The following GPC5 variants were observed in gnomAD, a reference collection of about 807,000 sequenced individuals.
GPC5 encodes the protein glypican 5.
In GPC5, 47 loss-of-function variants were observed where a neutral mutation model predicts 53.9. That is an observed-to-expected ratio of 0.87 (90% CI 0.69 to 1.11). The LOEUF is 1.11. GPC5 is among the 50% of genes most tolerant of loss of function. The pLI, the probability that GPC5 is intolerant of heterozygous loss-of-function variation, is 0.00. For missense variants in GPC5, 748 were observed against 713.1 expected (o/e 1.05, Z -0.56); for synonymous variants, 286 against 263.3 (o/e 1.09, Z -0.84).
At chr13:91,868,989 A>C (rs1008267277) in intron 5 of GPC5, among the ~76,000 whole-genome samples, 11 of 152,084 alleles carry the variant, frequency 7.2e-5, no homozygotes, top group African/African-American at 2.4e-4. Context: ...CAATTTGACT[A>C]TACATATATG....
At chr13:91,533,561 A>G (rs1886451125) in intron 2 of GPC5, among the ~76,000 whole-genome samples, 1 of 152,192 alleles carries the variant, frequency 6.6e-6, no homozygotes, top group Admixed American at 6.5e-5. Context: ...GATAATGAAC[A>G]GCACTGAAAT....
At chr13:92,591,017 T>C (rs979237138) in intron 7 of GPC5, among the ~76,000 whole-genome samples, 2 of 152,198 alleles carry the variant, frequency 1.3e-5, no homozygotes, top group Non-Finnish European at 2.9e-5. Flanking sequence ...ATAAGACAAC[T>C]AATGCTAAAA....
At chr13:92,482,179 A>T (rs1594239258) in intron 7 of GPC5, among the ~76,000 whole-genome samples, 1 of 152,124 alleles carries the variant, frequency 6.6e-6, no homozygotes, top group Admixed American at 6.5e-5. Flanking sequence ...TGTGCCTGAC[A>T]CACTGCCCCA....
chr13:92,764,339 C>G (rs1160253706), intron 7 of GPC5, among the ~76,000 whole-genome samples: 2 of 152,314 alleles, frequency 1.3e-5, no homozygotes, highest in East Asian at 3.9e-4. Flanking sequence ...GCCCTCAGAG[C>G]AAGATGCATT....
chr13:92,426,034 T>C (rs1163583773), intron 7 of GPC5, among the ~76,000 whole-genome samples: 1 of 152,118 alleles, frequency 6.6e-6, no homozygotes, highest in Non-Finnish European at 1.5e-5. Flanking sequence ...ATTCTACTTT[T>C]CTGTTAAAAC....
At chr13:92,358,756 G>A (rs1420066583) in intron 7 of GPC5, among the ~76,000 whole-genome samples, 1 of 151,774 alleles carries the variant, frequency 6.6e-6, no homozygotes, top group African/African-American at 2.4e-5. Flanking sequence ...GGCTAGAGCT[G>A]GAGCAGCTGG....
intron 2 of GPC5, among the ~76,000 whole-genome samples, chr13:91,645,614 C>A (rs983198777): frequency 2.6e-5 from 4 of 152,174 alleles, no homozygotes; most frequent in African/African-American, 4.8e-5. Context: ...AGTGTGAGGT[C>A]ACTTTGAGAA....
intron 5 of GPC5, among the ~76,000 whole-genome samples, chr13:91,878,874 G>A (rs910849836): frequency 2.6e-5 from 4 of 151,996 alleles, no homozygotes; most frequent in African/African-American, 4.8e-5. Context: ...ATTGAGAATC[G>A]AGAAGACATA....
At chr13:92,546,346 A>C (rs1882111071) in intron 7 of GPC5, among the ~76,000 whole-genome samples, 1 of 152,164 alleles carries the variant, frequency 6.6e-6, no homozygotes. Context: ...AATGTGCAAA[A>C]ATCACAAACA....
intron 6 of GPC5, among the ~76,000 whole-genome samples, chr13:92,114,893 G>A (rs191803348): frequency 9.9e-5 from 15 of 152,204 alleles, no homozygotes; most frequent in Middle Eastern, 3.4e-3. Flanking sequence ...CTACCAATAC[G>A]TTCTTGAGTT....
intron 7 of GPC5, among the ~76,000 whole-genome samples, chr13:92,296,861 C>T (rs1035188099): frequency 2.6e-5 from 4 of 152,220 alleles, no homozygotes; most frequent in Non-Finnish European, 5.9e-5. Flanking sequence ...GGCCCACTGG[C>T]GCTGTGCTCG....
intron 5 of GPC5, among the ~76,000 whole-genome samples, chr13:91,782,786 A>G (rs1379174639): frequency 3.3e-5 from 5 of 152,188 alleles, no homozygotes; most frequent in Non-Finnish European, 7.3e-5. Context: ...ACACAGATAA[A>G]TAAAAGAATC....
At chr13:91,965,122 T>A (rs1272461950) in intron 6 of GPC5, among the ~76,000 whole-genome samples, 1 of 149,818 alleles carries the variant, frequency 6.7e-6, no homozygotes, top group African/African-American at 2.4e-5. Context: ...TTAGGAGATA[T>A]ACCTAATGTA....
intron 7 of GPC5, among the ~76,000 whole-genome samples, chr13:92,694,198 G>C (rs1215624011): frequency 6.6e-6 from 1 of 152,220 alleles, no homozygotes; most frequent in East Asian, 1.9e-4. Context: ...TGCAGAGGCA[G>C]GGCCCTCATG....
At chr13:91,532,411 C>CA (rs1184791166) in intron 2 of GPC5, among the ~76,000 whole-genome samples, 2 of 151,878 alleles carry the variant, frequency 1.3e-5, no homozygotes, top group Non-Finnish European at 2.9e-5. Context: ...GGCTTTTTGT[C>CA]AAAAAAAGTT....
intron 7 of GPC5, among the ~76,000 whole-genome samples, chr13:92,756,098 C>G (rs200906200): frequency 0.037 from 5,560 of 151,572 alleles, 471 homozygotes; most frequent in East Asian, 0.35. Context: ...ACTGGCAAAA[C>G]GAATCCAGCA....
rs369250127 is a variant in GPC5, at chr13:92,249,303, T to C, written c.1561+104314T>C. Among the ~76,000 whole-genome samples the C allele has an allele frequency of 3.0e-4, 46 of 152,274 alleles. 2 individuals carry two copies. In the South Asian group the frequency reaches 9.3e-3, roughly 31 times the overall value. On this transcript the variant is annotated intron_variant, in intron 7 of 7. Coordinates refer to ENST00000377067, the MANE Select transcript of GPC5 (RefSeq NM_004466.6). ...GAGTTCTATGGCAGAATTCCTAAAG[T>C]CTTCAAGTTTCATGAGATCACTAAA...
intron 7 of GPC5, among the ~76,000 whole-genome samples, chr13:92,415,725 T>C (rs1419718739): frequency 6.6e-6 from 1 of 151,780 alleles, no homozygotes; most frequent in African/African-American, 2.4e-5. Context: ...TATAAGTCAT[T>C]GTAGTGAGCT....
chr13:91,731,524 A>C (rs953516898), intron 4 of GPC5, among the ~76,000 whole-genome samples: 2 of 151,054 alleles, frequency 1.3e-5, no homozygotes, highest in Non-Finnish European at 3.0e-5. Context: ...CCTTTATTTT[A>C]TTTTCTTTTA....
Sources: allele counts gnomAD v4.1 joint callset (sites outside exome capture counted in the v4.1 genomes callset), GRCh38; gene constraint gnomAD v4.1.1; transcripts MANE v1.5; gene names NCBI Gene and HGNC (gene_info 2026-07-23, HGNC 2026-07-21).